The following NELL1 variants were observed in gnomAD, a reference collection of about 807,000 sequenced individuals.
The protein encoded by NELL1 is protein kinase C-binding protein NELL1.
NELL1 carries 76 observed loss-of-function variants against 107.4 expected under a neutral mutation model. That is an observed-to-expected ratio of 0.71 (90% CI 0.59 to 0.86). NELL1 has a LOEUF of 0.86. Among genes scored for constraint, NELL1 ranks in the 40% least tolerant of loss-of-function variants. The probability of loss-of-function intolerance (pLI) is 0.00; values close to 1 mark genes in which losing one functional copy is unlikely to be tolerated. For synonymous variants in NELL1, 353 were observed against 341.2 expected (o/e 1.03, Z -0.38); for missense variants, 1,024 against 1,005.5 (o/e 1.02, Z -0.25).
chr11:21,513,148 A>G (rs1301520611), intron 15 of NELL1, among the ~76,000 whole-genome samples: 5 of 152,182 alleles, frequency 3.3e-5, no homozygotes, highest in Non-Finnish European at 7.3e-5. Flanking sequence ...CAATCAGTCT[A>G]TTCCTGCTGT....
intron 15 of NELL1, among the ~76,000 whole-genome samples, chr11:21,510,474 A>G (rs1006865110): frequency 2.0e-5 from 3 of 152,088 alleles, no homozygotes; most frequent in Admixed American, 6.6e-5. Flanking sequence ...TTCCTCTCTC[A>G]TGCATTCTCC....
intron 1 of NELL1, 37 bp from the exon 2 acceptor site, chr11:20,677,895 G>A (rs757492491): frequency 6.2e-7 from 1 of 1,611,230 alleles, no homozygotes; most frequent in South Asian, 1.1e-5. Context: ...GTAACAGTCT[G>A]CATTTTAAGC....
intron 2 of NELL1, among the ~76,000 whole-genome samples, chr11:20,756,956 C>T (rs1856309316): frequency 6.6e-6 from 1 of 152,034 alleles, no homozygotes; most frequent in Admixed American, 6.5e-5. Flanking sequence ...CACCATATCA[C>T]TAGTATATTG....
At position 20,699,837 on chromosome 11, in the gene NELL1, T is replaced by C. The variant is rs182227270; in HGVS notation, c.184+21777T>C. Among the ~76,000 whole-genome samples, 881 of 152,310 alleles carry C rather than the reference T, an allele frequency of 5.8e-3. 1 individual carries two copies. The highest frequency in any genetic ancestry group is 0.02 in the African/African-American group (840 of 41,562). On this transcript the variant is annotated intron_variant, in intron 2 of 19. Transcript: ENST00000357134. ...GGATCAAATGGTAGTTCTACTTTAG[T>C]TCTTTAAGGAATCTCCATACTGTTT...
At chr11:21,015,059 T>A (rs982660916) in intron 12 of NELL1, among the ~76,000 whole-genome samples, 1 of 152,162 alleles carries the variant, frequency 6.6e-6, no homozygotes, top group African/African-American at 2.4e-5. Flanking sequence ...GATCTTTTCT[T>A]GTCATGTCAA....
At chr11:21,044,079 A>T (rs1268805590) in intron 12 of NELL1, among the ~76,000 whole-genome samples, 1 of 152,144 alleles carries the variant, frequency 6.6e-6, no homozygotes, top group Non-Finnish European at 1.5e-5. Context: ...TGGCAGAGAG[A>T]ATGATAGGGC....
chr11:21,215,309 G>A (rs2133865302), intron 13 of NELL1, among the ~76,000 whole-genome samples: 1 of 152,282 alleles, frequency 6.6e-6, no homozygotes, highest in South Asian at 2.1e-4. Flanking sequence ...GGCCTTCTCA[G>A]CCATACTGAA....
intron 9 of NELL1, among the ~76,000 whole-genome samples, chr11:20,929,702 T>C (rs1479536213): frequency 1.3e-5 from 2 of 152,182 alleles, no homozygotes; most frequent in Non-Finnish European, 2.9e-5. Context: ...CCAAGCACAG[T>C]GGCTCACGCT....
At chr11:21,190,965 T>C (rs1857036925) in intron 13 of NELL1, among the ~76,000 whole-genome samples, 1 of 151,748 alleles carries the variant, frequency 6.6e-6, no homozygotes, top group Non-Finnish European at 1.5e-5. Flanking sequence ...TATGTAATGT[T>C]GGGCATATTG....
At chr11:21,415,817 T>G (rs1852506094) in intron 15 of NELL1, among the ~76,000 whole-genome samples, 1 of 152,050 alleles carries the variant, frequency 6.6e-6, no homozygotes, top group Non-Finnish European at 1.5e-5. Context: ...AGGAACCAGG[T>G]GTTTGAAACT....
intron 12 of NELL1, among the ~76,000 whole-genome samples, chr11:21,002,242 TA>T (rs1852237915): frequency 9.6e-6 from 1 of 103,884 alleles, no homozygotes; most frequent in Non-Finnish European, 1.9e-5. Flanking sequence ...ATCGAAGCCA[TA>T]AAAGGCTTTA....
chr11:20,921,581 A>C (rs1428304954), intron 7 of NELL1, among the ~76,000 whole-genome samples: 10 of 152,070 alleles, frequency 6.6e-5, no homozygotes. Flanking sequence ...ACTCTTTCTA[A>C]CCCTCACCAT....
intron 15 of NELL1, among the ~76,000 whole-genome samples, chr11:21,419,649 T>C (rs968735068): frequency 2.0e-5 from 3 of 152,160 alleles, no homozygotes; most frequent in Non-Finnish European, 2.9e-5. Context: ...GCACTATTTA[T>C]AATATGACTT....
chr11:21,399,826 C>T (rs539228385), intron 15 of NELL1, among the ~76,000 whole-genome samples: 28 of 151,572 alleles, frequency 1.8e-4, no homozygotes, highest in Non-Finnish European at 3.2e-4. Flanking sequence ...AAAATAACGG[C>T]GATGCTGCTG....
At chr11:21,089,563 C>G (rs1301234917) in intron 12 of NELL1, among the ~76,000 whole-genome samples, 1 of 152,088 alleles carries the variant, frequency 6.6e-6, no homozygotes, top group African/African-American at 2.4e-5. Context: ...AAATCAAAGA[C>G]CAAGACAAAA....
chr11:20,683,084 T>C (rs1483206128), intron 2 of NELL1, among the ~76,000 whole-genome samples: 1 of 152,034 alleles, frequency 6.6e-6, no homozygotes, highest in Non-Finnish European at 1.5e-5. Flanking sequence ...ACCTGTTCCA[T>C]GTATTCTTTG....
At chr11:20,938,172 A>T (rs992851396) in intron 10 of NELL1, among the ~76,000 whole-genome samples, 2 of 152,112 alleles carry the variant, frequency 1.3e-5, no homozygotes, top group African/African-American at 4.8e-5. Flanking sequence ...TTGAGTTGGT[A>T]TTAGGGGAAT....
intron 12 of NELL1, among the ~76,000 whole-genome samples, chr11:21,084,446 T>C (rs1854341748): frequency 6.6e-6 from 1 of 152,200 alleles, no homozygotes; most frequent in Non-Finnish European, 1.5e-5. Flanking sequence ...CATAGTATTT[T>C]GTCCAATAGA....
chr11:21,201,854 C>T (rs191668542), intron 13 of NELL1, among the ~76,000 whole-genome samples: 3 of 152,208 alleles, frequency 2.0e-5, no homozygotes, highest in Non-Finnish European at 2.9e-5. Context: ...TGAATTTTGT[C>T]GAAGGCCTTT....
Sources: allele counts gnomAD v4.1 joint callset (sites outside exome capture counted in the v4.1 genomes callset), GRCh38; gene constraint gnomAD v4.1.1; transcripts MANE v1.5; gene names NCBI Gene and HGNC (gene_info 2026-07-23, HGNC 2026-07-21).